The following UNC5D variants were observed in gnomAD, a reference collection of about 807,000 sequenced individuals.
The protein encoded by UNC5D is unc-5 netrin receptor D.
In UNC5D, 39 loss-of-function variants were observed where a neutral mutation model predicts 105.4. The ratio of observed to expected loss-of-function variants is 0.37; its 90% CI spans 0.29 to 0.48. The LOEUF is 0.48. Among genes scored for constraint, UNC5D ranks in the 20% least tolerant of loss-of-function variants. The pLI, the probability that UNC5D is intolerant of heterozygous loss-of-function variation, is 0.98. For missense variants in UNC5D, 991 were observed against 1,202.4 expected, an observed-to-expected ratio of 0.82 and a Z score of 2.60; for synonymous variants, 452 against 450.4, an observed-to-expected ratio of 1.00 and a Z score of -0.04.
intron 1 of UNC5D, among the ~76,000 whole-genome samples, chr8:35,254,090 C>A (rs1803907072): frequency 6.6e-6 from 1 of 152,214 alleles, no homozygotes; most frequent in Non-Finnish European, 1.5e-5. Context: ...TCACATTCAG[C>A]CTTGTGCTAT....
At chr8:35,656,762 T>C (rs1823763782) in intron 4 of UNC5D, among the ~76,000 whole-genome samples, 1 of 152,104 alleles carries the variant, frequency 6.6e-6, no homozygotes, top group African/African-American at 2.4e-5. Context: ...GTATCTACTC[T>C]AGGCCACACA....
intron 1 of UNC5D, among the ~76,000 whole-genome samples, chr8:35,442,911 C>CACAG (rs978636629): frequency 2.0e-4 from 26 of 131,718 alleles, no homozygotes; most frequent in Admixed American, 1.9e-3. Flanking sequence ...CTCTCACACA[C>CACAG]ACACACACAC....
At chr8:35,781,832 A>G (rs541763711) in intron 16 of UNC5D, among the ~76,000 whole-genome samples, 1 of 152,354 alleles carries the variant, frequency 6.6e-6, no homozygotes, top group South Asian at 2.1e-4. Flanking sequence ...ACAGTCCTCA[A>G]GGATCCAGGG....
chr8:35,379,434 C>A (rs1020132614), intron 1 of UNC5D, among the ~76,000 whole-genome samples: 2 of 152,174 alleles, frequency 1.3e-5, no homozygotes, highest in African/African-American at 4.8e-5. Flanking sequence ...CTCTTTCTAC[C>A]CTAAGAGACT....
chr8:35,725,249 GAT>G (rs1210178809), intron 9 of UNC5D, among the ~76,000 whole-genome samples: 1 of 152,160 alleles, frequency 6.6e-6, no homozygotes, highest in African/African-American at 2.4e-5. Context: ...TTGACGGACT[GAT>G]ATGGGTGTGA....
intron 1 of UNC5D, among the ~76,000 whole-genome samples, chr8:35,445,981 C>T (rs1807760228): frequency 6.6e-6 from 1 of 151,776 alleles, no homozygotes; most frequent in African/African-American, 2.4e-5. Flanking sequence ...ATTGTGAAAA[C>T]CTTTTTAGGC....
In UNC5D at chr8:35,544,438, CTGGGGG is replaced by C. The variant is rs914115778; in HGVS notation, c.104-4850_104-4845del. On this transcript the variant is annotated intron_variant, in intron 1 of 16. Transcript: ENST00000404895. ...AAAAAAAAAAGCTGTAATATGTTAT[CTGGGGG>C]TGGATGATCCTGGTGTTAGTTAAAG... 3 of 1,613,352 alleles carry C rather than the reference CTGGGGG, an allele frequency of 1.9e-6. No individual in the cohort carries two copies. The African/African-American group carries it at 4.0e-5, about 22-fold the overall frequency.
intron 1 of UNC5D, among the ~76,000 whole-genome samples, chr8:35,534,781 A>G (rs191179177): frequency 5.3e-5 from 8 of 152,158 alleles, no homozygotes; most frequent in Admixed American, 3.9e-4. Flanking sequence ...GTTTTAATAT[A>G]TATTTGGGCT....
At chr8:35,457,717 C>T (rs1808588115) in intron 1 of UNC5D, among the ~76,000 whole-genome samples, 1 of 152,120 alleles carries the variant, frequency 6.6e-6, no homozygotes. Context: ...TTCTCTGCTG[C>T]TTTGTAAGTT....
At chr8:35,769,051 C>G (rs1212160363) in intron 15 of UNC5D, among the ~76,000 whole-genome samples, 3 of 152,150 alleles carry the variant, frequency 2.0e-5, no homozygotes, top group Non-Finnish European at 4.4e-5. Flanking sequence ...CTCTCATTTT[C>G]TGTGTCAGAA....
chr8:35,524,558 A>G (rs1813712362), intron 1 of UNC5D, among the ~76,000 whole-genome samples: 1 of 143,816 alleles, frequency 7.0e-6, no homozygotes, highest in South Asian at 2.2e-4. Context: ...AGCAGAAAAT[A>G]TTTAGAGAAC....
intron 1 of UNC5D, among the ~76,000 whole-genome samples, chr8:35,484,263 A>G (rs1810683814): frequency 6.6e-6 from 1 of 152,090 alleles, no homozygotes; most frequent in South Asian, 2.1e-4. Flanking sequence ...TTTTGTCAGA[A>G]CCTTTACTAA....
chr8:35,396,963 A>G (rs924117274), intron 1 of UNC5D, among the ~76,000 whole-genome samples: 1 of 151,890 alleles, frequency 6.6e-6, no homozygotes, highest in Non-Finnish European at 1.5e-5. Context: ...CACCCAGGCT[A>G]TGGCACGATC....
chr8:35,345,744 A>C (rs1811765012), intron 1 of UNC5D, among the ~76,000 whole-genome samples: 1 of 152,004 alleles, frequency 6.6e-6, no homozygotes, highest in South Asian at 2.1e-4. Context: ...TTTTAACCTC[A>C]AACACTGAAT....
rs185596696 is a variant in UNC5D, at chr8:35,243,946, G to A, written c.103+8059G>A. Among the ~76,000 whole-genome samples the A allele has an allele frequency of 1.4e-3, 215 of 152,262 alleles. 1 individual carries two copies. The highest frequency in any genetic ancestry group is 2.2e-3 in the Non-Finnish European group (152 of 68,032). ...CCCTTAGGAAACTTTATTCACCAGA[G>A]GAAGAATAAAATAGTTGTAAGAGGG... On this transcript the variant is annotated intron_variant, in intron 1 of 16. Coordinates refer to ENST00000404895, the MANE Select transcript of UNC5D (RefSeq NM_080872.4).
intron 4 of UNC5D, among the ~76,000 whole-genome samples, chr8:35,610,123 G>GAA (rs78870875): frequency 2.8e-5 from 4 of 143,526 alleles, no homozygotes; most frequent in African/African-American, 1.0e-4. Flanking sequence ...CAATTAATTT[G>GAA]AAAAAAAAAA....
intron 4 of UNC5D, among the ~76,000 whole-genome samples, chr8:35,670,746 A>G (rs1039122198): frequency 2.0e-5 from 3 of 151,848 alleles, no homozygotes; most frequent in Non-Finnish European, 2.9e-5. Context: ...CATTAGGACA[A>G]ATACCTAATG....
chr8:35,454,809 C>T (rs542104803), intron 1 of UNC5D, among the ~76,000 whole-genome samples: 1 of 152,142 alleles, frequency 6.6e-6, no homozygotes, highest in East Asian at 1.9e-4. Flanking sequence ...ATTAACAGAC[C>T]TAATTCACAG....
chr8:35,607,905 T>C (rs2130962710), intron 4 of UNC5D, among the ~76,000 whole-genome samples: 1 of 152,310 alleles, frequency 6.6e-6, no homozygotes, highest in South Asian at 2.1e-4. Flanking sequence ...AATACATAGA[T>C]ACGTCACTCA....
Sources: gnomAD v4.1 joint callset for allele counts (sites outside exome capture counted in the v4.1 genomes callset) on GRCh38, gnomAD v4.1.1 for gene constraint, MANE v1.5 for transcripts, NCBI Gene and HGNC (gene_info 2026-07-23, HGNC 2026-07-21) for gene names.